The following OVCH1 variants were observed in gnomAD, a reference collection of about 807,000 sequenced individuals.
OVCH1 encodes ovochymase-1.
A neutral mutation model predicts 138.4 loss-of-function variants in OVCH1; 139 were observed. The observed-to-expected ratio is 1.00, with a 90% CI of 0.87 to 1.16. The LOEUF is 1.16. OVCH1 is among the 50% of genes most tolerant of loss of function. The probability of loss-of-function intolerance (pLI) is 0.00; values close to 1 mark genes in which losing one functional copy is unlikely to be tolerated. For missense variants in OVCH1, 1,367 were observed against 1,357.9 expected, an observed-to-expected ratio of 1.01 and a Z score of -0.11; for synonymous variants, 453 against 467.8, an observed-to-expected ratio of 0.97 and a Z score of 0.41.
At chr12:29,482,021 T>C (rs191446983) in intron 8 of OVCH1, among the ~76,000 whole-genome samples, 66 of 152,324 alleles carry the variant, frequency 4.3e-4, no homozygotes, top group Non-Finnish European at 4.3e-4. Flanking sequence ...CAGCTTGTGG[T>C]CTTGCCTGCC....
rs55835508 is a variant in OVCH1 at position 29,417,760 on chromosome 12, AGTGTGTGTGT to A, written c.*72-5045_*72-5036del. Among the ~76,000 whole-genome samples, 52 of 149,796 alleles carry A rather than the reference AGTGTGTGTGT, an allele frequency of 3.5e-4. No individual in the cohort carries two copies. In the Middle Eastern group the frequency reaches 0.017, roughly 49 times the overall value. On this transcript the variant is annotated intron_variant and NMD_transcript_variant, in intron 3 of 4. Coordinates refer to the OVCH1 transcript ENST00000539117. ...TGTCCAAAATGCAACCTGGCCTACA[AGTGTGTGTGT>A]GTGTGTGTGTGTGTGTGTGTGTGTC...
At chr12:29,495,058 AG>A (rs1416139856) in intron 4 of OVCH1, among the ~76,000 whole-genome samples, 1 of 151,904 alleles carries the variant, frequency 6.6e-6, no homozygotes, top group African/African-American at 2.4e-5. Context: ...AATAAATGAA[AG>A]GGAAAAAATG....
chr12:29,478,167 T>A (rs988410017), intron 9 of OVCH1, among the ~76,000 whole-genome samples: 1 of 152,168 alleles, frequency 6.6e-6, no homozygotes, highest in African/African-American at 2.4e-5. Flanking sequence ...ATATATTGGT[T>A]ATGTTTATGT....
At chr12:29,486,694 AG>A (rs1943117765) in intron 7 of OVCH1, among the ~76,000 whole-genome samples, 1 of 152,206 alleles carries the variant, frequency 6.6e-6, no homozygotes, top group African/African-American at 2.4e-5. Flanking sequence ...TAGAAAAAAT[AG>A]GCAAATAGAA....
intron 14 of OVCH1, among the ~76,000 whole-genome samples, chr12:29,474,261 C>T (rs939337396): frequency 6.6e-6 from 1 of 152,060 alleles, no homozygotes; most frequent in African/African-American, 2.4e-5. Flanking sequence ...CATGTAAGTT[C>T]ATTCATAATC....
At chr12:29,468,809 A>T (rs76763665) in intron 16 of OVCH1, among the ~76,000 whole-genome samples, 9,551 of 152,134 alleles carry the variant, frequency 0.063, 360 homozygotes, top group Non-Finnish European at 0.082. Context: ...GAGTATACAT[A>T]CCTATATTTT....
At chr12:29,493,866 G>A (rs999653937) in intron 4 of OVCH1, among the ~76,000 whole-genome samples, 1 of 152,110 alleles carries the variant, frequency 6.6e-6, no homozygotes, top group Non-Finnish European at 1.5e-5. Context: ...TTCTCTGCAT[G>A]TTTCTGTGCT....
Position 29,464,297 on chromosome 12 carries a change from A to G in OVCH1, c.2125+210T>C, listed in dbSNP as rs1942239805. On this transcript the variant is annotated intron_variant, in intron 18 of 27. Transcript: ENST00000318184. ...GTAAAGGTTTGTTGACTGCTCATCT[A>G]GCCTACTTATAATCTAAGTTACCCT... 12 of 613,410 alleles carry G rather than the reference A, an allele frequency of 2.0e-5. No individual in the cohort carries two copies. The East Asian group carries it at 2.3e-4, about 12-fold the overall frequency. The allele number at this position is 613,410 out of a possible 1,614,324, so 38.0% of individuals were successfully genotyped here. A position where few individuals can be genotyped will look rare whatever the true frequency, so the allele number is the denominator to read the frequency against.
At chr12:29,471,878 ACCT>A (rs750380184) in exon 16 of OVCH1, 41 of 1,613,198 alleles carry the variant, frequency 2.5e-5, no homozygotes, top group Non-Finnish European at 3.3e-5. Context: ...TCGCCTAGAA[ACCT>A]CAGACCCACC....
intron 2 of OVCH1, 125 bp downstream of exon 2, chr12:29,496,430 CT>C: frequency 8.8e-7 from 1 of 1,142,704 alleles, no homozygotes; most frequent in Non-Finnish European, 1.2e-6. Context: ...ACGAAGTAAA[CT>C]TTTTGGTAGA....
intron 3 of OVCH1, among the ~76,000 whole-genome samples, chr12:29,413,669 T>TACACACAC (rs3064302): frequency 6.6e-6 from 1 of 150,820 alleles, no homozygotes; most frequent in African/African-American, 2.5e-5. Context: ...ATTACACACA[T>TACACACAC]ACACACACAC....
chr12:29,464,509 G>A (rs750335392), exon 18 of OVCH1: 18 of 1,612,938 alleles, frequency 1.1e-5, no homozygotes, highest in Middle Eastern at 1.6e-4. Flanking sequence ...ATGCTTACCT[G>A]CACTGATGCT....
intron 5 of OVCH1, among the ~76,000 whole-genome samples, 188 bp downstream of exon 5, chr12:29,490,909 A>T (rs1287264085): frequency 1.3e-5 from 2 of 152,326 alleles, no homozygotes; most frequent in East Asian, 3.9e-4. Context: ...CAGCAGCAGG[A>T]GTGATATGAA....
At chr12:29,449,281 A>G (rs1332270228) in intron 22 of OVCH1, among the ~76,000 whole-genome samples, 3 of 86,326 alleles carry the variant, frequency 3.5e-5, no homozygotes, top group South Asian at 8.8e-4. Flanking sequence ...CTCCCTACAC[A>G]CACACACACA....
chr12:29,496,321 C>A, intron 2 of OVCH1, 43 bp from the exon 3 acceptor site: 1 of 1,442,502 alleles, frequency 6.9e-7, no homozygotes. Context: ...TATGTCTCCC[C>A]ACATATGTAT....
chr12:29,439,541 C>T, intron 25 of OVCH1: 1 of 1,302,048 alleles, frequency 7.7e-7, no homozygotes, highest in Non-Finnish European at 9.9e-7. Flanking sequence ...TCTATCTCTA[C>T]TACAACTACT....
intron 14 of OVCH1, among the ~76,000 whole-genome samples, chr12:29,473,474 A>G (rs1012196901): frequency 3.3e-5 from 5 of 152,054 alleles, no homozygotes; most frequent in Admixed American, 2.0e-4. Context: ...ATGACTTCCA[A>G]ATTTCTCTCT....
At chr12:29,413,077 G>A (rs1940981858) in intron 3 of OVCH1, among the ~76,000 whole-genome samples, 1 of 150,818 alleles carries the variant, frequency 6.6e-6, no homozygotes, top group Non-Finnish European at 1.5e-5. Flanking sequence ...GCCTGAGCTG[G>A]TCTCAAACTC....
At chr12:29,442,604 TAA>T (rs1468484675) in intron 25 of OVCH1, among the ~76,000 whole-genome samples, 1 of 151,584 alleles carries the variant, frequency 6.6e-6, no homozygotes, top group Non-Finnish European at 1.5e-5. Flanking sequence ...ACTTGTACCC[TAA>T]AACTTGAAGT....
Sources: gnomAD v4.1 joint callset for allele counts (sites outside exome capture counted in the v4.1 genomes callset) on GRCh38, gnomAD v4.1.1 for gene constraint, MANE v1.5 for transcripts, NCBI Gene and HGNC (gene_info 2026-07-23, HGNC 2026-07-21) for gene names.